The following NWD1 variants were observed in gnomAD, a reference collection of about 807,000 sequenced individuals.
The protein encoded by NWD1 is NACHT and WD repeat domain containing 1.
NWD1 carries 129 observed loss-of-function variants against 135.1 expected under a neutral mutation model. The ratio of observed to expected loss-of-function variants is 0.96; its 90% CI spans 0.83 to 1.11. NWD1 has a LOEUF of 1.11. Ranked by LOEUF, NWD1 falls within the 50% of genes least tolerant of loss-of-function variation. The pLI is 0.00. For synonymous variants in NWD1, 773 were observed against 786.0 expected, an observed-to-expected ratio of 0.98 and a Z score of 0.28; for missense variants, 1,740 against 1,851.3, an observed-to-expected ratio of 0.94 and a Z score of 1.10.
intron 3 of NWD1, among the ~76,000 whole-genome samples, chr19:16,735,059 C>T (rs970162782): frequency 9.2e-5 from 14 of 152,130 alleles, no homozygotes; most frequent in East Asian, 1.9e-4. Context: ...CCACCGTGCC[C>T]GACTAAATGT....
At chr19:16,774,065 T>C (rs1969512076) in intron 11 of NWD1, among the ~76,000 whole-genome samples, 1 of 150,738 alleles carries the variant, frequency 6.6e-6, no homozygotes, top group African/African-American at 2.4e-5. Flanking sequence ...CATCTATCCA[T>C]CCATCCATCC....
chr19:16,758,916 A>G (rs1364704994), intron 6 of NWD1, among the ~76,000 whole-genome samples: 1 of 149,218 alleles, frequency 6.7e-6, no homozygotes, highest in Admixed American at 6.8e-5. Flanking sequence ...AGGCAGGAGA[A>G]TCGCTTGAAC....
Position 16,726,865 on chromosome 19 carries a change from C to T in NWD1, c.-7+2402C>T, listed in dbSNP as rs541990640. 3.9e-5 allele frequency among the ~76,000 whole-genome samples: 6 copies of T among 152,342 alleles called. No individual in the cohort carries two copies. In the East Asian group the frequency reaches 9.6e-4, roughly 24 times the overall value. ...GTCTCCACCCACGTGATGCCAGTAG[C>T]ATCCTCCAGTCGTGGCAACTGGAAA... On this transcript the variant is annotated intron_variant, in intron 2 of 18. Coordinates refer to ENST00000524140, the MANE Select transcript of NWD1 (RefSeq NM_001007525.5).
At chr19:16,731,311 T>G (rs1967552076) in intron 3 of NWD1, 33 bp downstream of exon 3, 1 of 1,327,568 alleles carries the variant, frequency 7.5e-7, no homozygotes, top group Non-Finnish European at 1.0e-6. Context: ...TCCATGCTTT[T>G]TTTATTTTTT....
intron 10 of NWD1, among the ~76,000 whole-genome samples, chr19:16,766,844 C>G (rs543042799): frequency 6.6e-6 from 1 of 152,154 alleles, no homozygotes; most frequent in African/African-American, 2.4e-5. Flanking sequence ...CCTCAGACTC[C>G]CAAAGTGCTG....
intron 3 of NWD1, among the ~76,000 whole-genome samples, chr19:16,731,863 T>C (rs1450967615): frequency 3.3e-5 from 5 of 152,064 alleles, no homozygotes; most frequent in Non-Finnish European, 4.4e-5. Context: ...CCGAGCCCCG[T>C]AGATTCTGTA....
chr19:16,815,830 G>C lies in NWD1; in HGVS notation c.*791G>C, dbSNP rs1161725695. ...CAGCAAATCACTGATGTGGACCACA[G>C]AACCTCACAGTTTATAAAGCTGTAG... On this transcript the variant is annotated 3_prime_UTR_variant, in exon 19 of 19. Transcript: ENST00000524140. 6.5e-6 allele frequency: 1 copy of C among 154,250 alleles called. No homozygotes were observed. Among genetic ancestry groups the C allele is most frequent in the African/African-American group, 2.4e-5 (1 of 41,442 alleles). 9.6% of individuals were successfully genotyped at this position (154,250 alleles called of 1,614,324 possible).
intron 15 of NWD1, among the ~76,000 whole-genome samples, chr19:16,796,725 CCTCT>C (rs1343763780): frequency 6.6e-6 from 1 of 151,982 alleles, no homozygotes; most frequent in Non-Finnish European, 1.5e-5. Flanking sequence ...CCTTGACTCT[CCTCT>C]CTCCTTCCTC....
chr19:16,810,454 A>AAG (rs1555735484), intron 18 of NWD1, among the ~76,000 whole-genome samples: 8 of 150,024 alleles, frequency 5.3e-5, no homozygotes, highest in East Asian at 3.9e-4. Flanking sequence ...AAAAAAAAAA[A>AAG]AAAGAAAGAA....
intron 18 of NWD1, among the ~76,000 whole-genome samples, chr19:16,813,123 G>C (rs1320679962): frequency 1.8e-4 from 27 of 152,164 alleles, no homozygotes; most frequent in Non-Finnish European, 2.4e-4. Context: ...CTGGGCTCCT[G>C]GTGTGTGCAC....
chr19:16,812,209 G>T (rs1407404567), intron 18 of NWD1, among the ~76,000 whole-genome samples: 1 of 151,766 alleles, frequency 6.6e-6, no homozygotes, highest in Non-Finnish European at 1.5e-5. Context: ...TTGAGAGGTT[G>T]AGGCAGGAGG....
chr19:16,769,279 G>A (rs890270292), intron 10 of NWD1, among the ~76,000 whole-genome samples: 2 of 151,822 alleles, frequency 1.3e-5, no homozygotes, highest in Non-Finnish European at 2.9e-5. Flanking sequence ...CTGGCCAACA[G>A]GGTGAAACCC....
chr19:16,784,944 CA>C (rs985995848), intron 12 of NWD1, among the ~76,000 whole-genome samples: 1 of 149,704 alleles, frequency 6.7e-6, no homozygotes, highest in Admixed American at 6.7e-5. Flanking sequence ...AAAAAAAAAA[CA>C]ACAAAACAAC....
chr19:16,805,867 T>C (rs1167053579), intron 17 of NWD1, among the ~76,000 whole-genome samples: 1 of 151,428 alleles, frequency 6.6e-6, no homozygotes, highest in Non-Finnish European at 1.5e-5. Flanking sequence ...TCTTTTTCTT[T>C]CTTTTCTTCT....
intron 3 of NWD1, among the ~76,000 whole-genome samples, chr19:16,732,303 G>A (rs1294601819): frequency 1.3e-5 from 2 of 151,828 alleles, no homozygotes; most frequent in African/African-American, 4.8e-5. Context: ...AGAAAAGTGA[G>A]TAGGAGTGAA....
chr19:16,806,781 G>A (rs1324850439), intron 17 of NWD1, among the ~76,000 whole-genome samples: 3 of 151,878 alleles, frequency 2.0e-5, no homozygotes, highest in East Asian at 1.9e-4. Flanking sequence ...TTGGGAGGCC[G>A]AGGCGGGCGG....
intron 10 of NWD1, among the ~76,000 whole-genome samples, chr19:16,770,212 A>G (rs1045403350): frequency 2.6e-5 from 4 of 152,082 alleles, no homozygotes; most frequent in Admixed American, 2.0e-4. Context: ...TGAGGGAGGG[A>G]CCAGGTGGAG....
chr19:16,777,361 AAGGGG>A (rs139466091), intron 11 of NWD1, among the ~76,000 whole-genome samples: 8 of 1,056 alleles, frequency 7.6e-3, no homozygotes, highest in African/African-American at 0.055. Context: ...AAGAGGAGAG[AAGGGG>A]AGGGGAGGGG....
chr19:16,810,324 G>T (rs1381233764), intron 18 of NWD1, among the ~76,000 whole-genome samples: 1 of 151,570 alleles, frequency 6.6e-6, no homozygotes, highest in African/African-American at 2.4e-5. Context: ...TGTAATCCCG[G>T]CTACCCGGGA....
Sources: allele counts gnomAD v4.1 joint callset (sites outside exome capture counted in the v4.1 genomes callset), GRCh38; gene constraint gnomAD v4.1.1; transcripts MANE v1.5; gene names NCBI Gene and HGNC (gene_info 2026-07-23, HGNC 2026-07-21).